Variants in ANKRD44 observed in about 807,000 individuals in gnomAD.
ANKRD44 encodes the protein ankyrin repeat domain 44.
A neutral mutation model predicts 116.0 loss-of-function variants in ANKRD44; 35 were observed. The ratio of observed to expected loss-of-function variants is 0.30; its 90% CI spans 0.23 to 0.40. The LOEUF (loss-of-function observed/expected upper bound fraction) is 0.40. Ranked by LOEUF, ANKRD44 falls within the 10% of genes least tolerant of loss-of-function variation. The pLI is 1.00. For missense variants in ANKRD44, 1,014 were observed against 1,242.6 expected (o/e 0.82, Z 2.77); for synonymous variants, 435 against 461.8 (o/e 0.94, Z 0.74).
chr2:197,292,149 C>T (rs1217137519), intron 1 of ANKRD44, among the ~76,000 whole-genome samples: 1 of 152,142 alleles, frequency 6.6e-6, no homozygotes, highest in South Asian at 2.1e-4. Flanking sequence ...GTGCATGTGT[C>T]TTTATAGTAG....
At chr2:197,042,835 G>C (rs1339203574) in intron 16 of ANKRD44, among the ~76,000 whole-genome samples, 1 of 152,136 alleles carries the variant, frequency 6.6e-6, no homozygotes, top group Non-Finnish European at 1.5e-5. Flanking sequence ...GGCATTTTCA[G>C]TAAAGGCAAG....
At chr2:197,241,003 G>A (rs1285089156) in intron 1 of ANKRD44, among the ~76,000 whole-genome samples, 1 of 151,760 alleles carries the variant, frequency 6.6e-6, no homozygotes, top group African/African-American at 2.4e-5. Flanking sequence ...TTTGGACTGG[G>A]GGTATGCAAA....
At chr2:197,080,541 G>A (rs551909728) in intron 15 of ANKRD44, among the ~76,000 whole-genome samples, 13 of 152,312 alleles carry the variant, frequency 8.5e-5, no homozygotes, top group South Asian at 6.2e-4. Flanking sequence ...ACTGTAAAAG[G>A]AAGCGTTTGC....
intron 21 of ANKRD44, among the ~76,000 whole-genome samples, chr2:197,004,513 A>G (rs1295029874): frequency 6.6e-6 from 1 of 152,224 alleles, no homozygotes; most frequent in Non-Finnish European, 1.5e-5. Flanking sequence ...CTAGAAGAAG[A>G]AATACAAATA....
intron 2 of ANKRD44, among the ~76,000 whole-genome samples, chr2:197,182,861 T>C (rs1379300473): frequency 2.0e-5 from 3 of 152,210 alleles, no homozygotes; most frequent in African/African-American, 7.2e-5. Context: ...TTTTAAGCAG[T>C]AGTCAACAGT....
At chr2:197,258,686 A>G (rs1045674367) in intron 1 of ANKRD44, among the ~76,000 whole-genome samples, 5 of 152,226 alleles carry the variant, frequency 3.3e-5, no homozygotes, top group African/African-American at 1.2e-4. Context: ...TGGCAGCTGC[A>G]CCATTTTACA....
chr2:196,985,537 A>G (rs945716334), downstream of ANKRD44, among the ~76,000 whole-genome samples: 3 of 152,234 alleles, frequency 2.0e-5, no homozygotes, highest in Admixed American at 6.5e-5. Flanking sequence ...TGGCAGAAAA[A>G]AACAAAACAT....
chr2:197,103,927 A>G (rs1166640498), intron 9 of ANKRD44, among the ~76,000 whole-genome samples: 1 of 152,162 alleles, frequency 6.6e-6, no homozygotes, highest in East Asian at 1.9e-4. Context: ...TTACATTACA[A>G]TCCTTCCCAT....
At chr2:197,181,189 T>A (rs946994313) in intron 2 of ANKRD44, among the ~76,000 whole-genome samples, 2 of 152,168 alleles carry the variant, frequency 1.3e-5, no homozygotes, top group Admixed American at 1.3e-4. Flanking sequence ...TCAAATCCTA[T>A]TAGAGCAAAT....
intron 21 of ANKRD44, among the ~76,000 whole-genome samples, chr2:197,002,488 G>A (rs1184626415): frequency 3.3e-5 from 5 of 152,170 alleles, no homozygotes; most frequent in Admixed American, 6.5e-5. Flanking sequence ...TACTTGTTAT[G>A]TGATCTGAGG....
intron 9 of ANKRD44, among the ~76,000 whole-genome samples, chr2:197,105,671 G>A (rs550449956): frequency 5.3e-5 from 8 of 152,268 alleles, no homozygotes; most frequent in Non-Finnish European, 7.4e-5. Context: ...TATTGTGATC[G>A]TCTAGGGACT....
At chr2:197,077,409 A>G (rs888575684) in intron 16 of ANKRD44, among the ~76,000 whole-genome samples, 5 of 151,986 alleles carry the variant, frequency 3.3e-5, no homozygotes, top group African/African-American at 9.7e-5. Context: ...ATCCATCCAC[A>G]GTTAGGTGAG....
At chr2:197,186,097 A>AT (rs985758564) in intron 2 of ANKRD44, among the ~76,000 whole-genome samples, 1 of 152,044 alleles carries the variant, frequency 6.6e-6, no homozygotes, top group Non-Finnish European at 1.5e-5. Flanking sequence ...TCTTCTCTTG[A>AT]TTTTTTTCTC....
chr2:197,157,406 G>A (rs527393787), intron 2 of ANKRD44, among the ~76,000 whole-genome samples: 3 of 152,176 alleles, frequency 2.0e-5, no homozygotes, highest in Admixed American at 1.3e-4. Flanking sequence ...CAGGCGCAGT[G>A]GCTCACGCCT....
At chr2:197,282,756 C>T (rs1317519064) in intron 1 of ANKRD44, among the ~76,000 whole-genome samples, 5 of 152,056 alleles carry the variant, frequency 3.3e-5, no homozygotes, top group Non-Finnish European at 5.9e-5. Flanking sequence ...GCCAGGAGTT[C>T]GGGACCAGCC....
chr2:197,096,753 A>G (rs1322873811), intron 10 of ANKRD44, among the ~76,000 whole-genome samples: 3 of 152,158 alleles, frequency 2.0e-5, no homozygotes, highest in Non-Finnish European at 2.9e-5. Context: ...TAATAATCCT[A>G]TAAGGAACCC....
chr2:196,993,081 G>A (rs560992851), intron 27 of ANKRD44, among the ~76,000 whole-genome samples: 27 of 152,144 alleles, frequency 1.8e-4, no homozygotes, highest in East Asian at 3.9e-4. Flanking sequence ...AAGCCTAGAC[G>A]TTAATTAAGA....
At chr2:197,172,297 C>T (rs949703038) in intron 2 of ANKRD44, among the ~76,000 whole-genome samples, 8 of 151,724 alleles carry the variant, frequency 5.3e-5, no homozygotes, top group Non-Finnish European at 7.4e-5. Flanking sequence ...CCACCACGCC[C>T]GGCCCCATTA....
At position 197,201,059 on chromosome 2, in the gene ANKRD44, T is replaced by C. The variant is rs796131184; in HGVS notation, c.28-13953A>G. Reference sequence around the variant, plus strand: ...GAAAATGAATTAGGAATAAGTAGATTAATGTGCTTTTAGTCTCAAAGACTA... The same window carrying C: ...GAAAATGAATTAGGAATAAGTAGATCAATGTGCTTTTAGTCTCAAAGACTA... On this transcript the variant is annotated intron_variant, in intron 1 of 27. Transcript: ENST00000282272. This position sits in a 1 kb window ranked among gnomAD's most constrained non-coding sequence, Gnocchi z 4.0. Among the ~76,000 whole-genome samples, 3 of 152,342 alleles carry C rather than the reference T, an allele frequency of 2.0e-5. No homozygotes were observed. The highest frequency in any genetic ancestry group is 6.5e-5 in the Admixed American group (1 of 15,306).
Sources: allele counts gnomAD v4.1 joint callset (sites outside exome capture counted in the v4.1 genomes callset), GRCh38; gene constraint gnomAD v4.1.1; non-coding constraint Gnocchi (gnomAD v3.1); transcripts MANE v1.5; gene names NCBI Gene and HGNC (gene_info 2026-07-23, HGNC 2026-07-21).